Variants in GPHN observed in about 807,000 individuals in gnomAD.
GPHN encodes gephyrin.
GPHN carries 17 observed loss-of-function variants against 95.5 expected under a neutral mutation model. The ratio of observed to expected loss-of-function variants is 0.18; its 90% CI spans 0.12 to 0.27. The LOEUF (loss-of-function observed/expected upper bound fraction) is 0.27. Ranked by LOEUF, GPHN falls within the 10% of genes least tolerant of loss-of-function variation. The pLI, the probability that GPHN is intolerant of heterozygous loss-of-function variation, is 1.00. For synonymous variants in GPHN, 320 were observed against 322.5 expected (o/e 0.99, Z 0.08); for missense variants, 660 against 978.1 (o/e 0.67, Z 4.34).
intron 18 of GPHN, among the ~76,000 whole-genome samples, chr14:67,147,862 A>G (rs2080990627): frequency 1.3e-5 from 2 of 152,212 alleles, no homozygotes; most frequent in South Asian, 4.1e-4. Flanking sequence ...CTTCTCAGAT[A>G]TGGCAGCTCC....
chr14:66,657,414 T>C (rs766881676), intron 1 of GPHN, among the ~76,000 whole-genome samples: 23 of 152,232 alleles, frequency 1.5e-4, no homozygotes, highest in Non-Finnish European at 2.8e-4. Flanking sequence ...TGATGAATCT[T>C]TAGTGGCTAC....
chr14:66,625,197 G>A (rs2063476060), intron 1 of GPHN, among the ~76,000 whole-genome samples: 1 of 151,828 alleles, frequency 6.6e-6, no homozygotes, highest in African/African-American at 2.4e-5. Flanking sequence ...TCTCTCCTTA[G>A]CCTCCCATGT....
chr14:67,008,735 A>G (rs1006630405), intron 9 of GPHN, among the ~76,000 whole-genome samples: 12 of 151,808 alleles, frequency 7.9e-5, no homozygotes, highest in Non-Finnish European at 1.6e-4. Context: ...TAGTAGAGAC[A>G]GGGTTTTTGC....
At chr14:67,243,467 C>T in the GPHN span, among the ~76,000 whole-genome samples, 2 of 147,262 alleles carry the variant, frequency 1.4e-5, no homozygotes, top group Admixed American at 1.4e-4. Flanking sequence ...GGATTACAGG[C>T]GTGAGCCACC....
At chr14:66,550,111 T>A (rs1432158362) in intron 1 of GPHN, among the ~76,000 whole-genome samples, 2 of 152,210 alleles carry the variant, frequency 1.3e-5, no homozygotes, top group African/African-American at 4.8e-5. Context: ...AGCTTTCAAT[T>A]CATATTAAGA....
intron 11 of GPHN, among the ~76,000 whole-genome samples, chr14:67,061,832 G>C (rs987864272): frequency 1.3e-5 from 2 of 151,936 alleles, no homozygotes; most frequent in Non-Finnish European, 2.9e-5. Context: ...TATAGTTTTT[G>C]CTTGGAAAAA....
At chr14:66,656,314 TA>T (rs55982229) in intron 1 of GPHN, among the ~76,000 whole-genome samples, 152,300 of 152,302 alleles carry the variant, frequency 1, 76,149 homozygotes, top group Non-Finnish European at 1. Flanking sequence ...ATTGGGTGAG[TA>T]TTTGGTAGCC....
chr14:67,722,554 G>A, the GPHN span: 19 of 1,092,796 alleles, frequency 1.7e-5, no homozygotes, highest in Non-Finnish European at 2.4e-5. Context: ...AAGCAGCCAA[G>A]AGCTGGAGCC....
chr14:66,576,751 CTA>C (rs1393661239), intron 1 of GPHN, among the ~76,000 whole-genome samples: 2 of 152,074 alleles, frequency 1.3e-5, no homozygotes, highest in Non-Finnish European at 2.9e-5. Flanking sequence ...GTAATCAAGA[CTA>C]TTATGATTAA....
intron 4 of GPHN, among the ~76,000 whole-genome samples, chr14:66,828,403 C>T (rs575876892): frequency 1.3e-5 from 2 of 151,966 alleles, no homozygotes; most frequent in Non-Finnish European, 2.9e-5. Flanking sequence ...ACTGATTTGT[C>T]TGTTTTGATA....
chr14:66,605,585 A>G (rs995514743), intron 1 of GPHN, among the ~76,000 whole-genome samples: 85 of 136,896 alleles, frequency 6.2e-4, no homozygotes, highest in African/African-American at 2.4e-3. Flanking sequence ...ACTGGAGTGC[A>G]GTGGCAGGAT....
chr14:67,101,050 T>C (rs1053834782), intron 13 of GPHN, 139 bp downstream of exon 13: 1 of 686,104 alleles, frequency 1.5e-6, no homozygotes, highest in African/African-American at 1.8e-5. Context: ...GAAAGTATAG[T>C]TCCCAGGAGA....
chr14:66,795,782 A>G (rs2060133591), intron 3 of GPHN, among the ~76,000 whole-genome samples: 1 of 152,228 alleles, frequency 6.6e-6, no homozygotes, highest in Non-Finnish European at 1.5e-5. Context: ...TAATAGTCAC[A>G]TCATGGAAAT....
At chr14:67,327,854 T>TAA in the GPHN span, among the ~76,000 whole-genome samples, 1 of 152,238 alleles carries the variant, frequency 6.6e-6, no homozygotes, top group African/African-American at 2.4e-5. Flanking sequence ...TTCCATGGTG[T>TAA]ATATGTGCCA....
At chr14:67,203,214 C>A in the GPHN span, 2 of 1,613,676 alleles carry the variant, frequency 1.2e-6, no homozygotes, top group Middle Eastern at 1.6e-4. Flanking sequence ...CCATCTGACA[C>A]CTGGTGCCCA....
At chr14:66,843,521 T>G (rs914246411) in intron 4 of GPHN, among the ~76,000 whole-genome samples, 7 of 152,186 alleles carry the variant, frequency 4.6e-5, no homozygotes, top group Non-Finnish European at 8.8e-5. Flanking sequence ...GGCTGCCCCA[T>G]TAATTTATTT....
At chr14:67,653,618 C>A in the GPHN span, 1 of 846,004 alleles carries the variant, frequency 1.2e-6, no homozygotes, top group South Asian at 1.8e-5. Context: ...AGAAATCAAG[C>A]CAATTTAAAT....
At chr14:67,254,207 T>TTGAGTTTC in the GPHN span, 1 of 146,064 alleles carries the variant, frequency 6.8e-6, no homozygotes, top group African/African-American at 2.6e-5. Context: ...TTTTTAGATT[T>TTGAGTTTC]TAAGTTTCTT....
At chr14:67,522,412 C>G in the GPHN span, among the ~76,000 whole-genome samples, 1 of 152,106 alleles carries the variant, frequency 6.6e-6, no homozygotes, top group East Asian at 1.9e-4. Context: ...GAAGCTTAGT[C>G]GTCTGAGGGG....
Sources: allele counts gnomAD v4.1 joint callset (sites outside exome capture counted in the v4.1 genomes callset), GRCh38; gene constraint gnomAD v4.1.1; transcripts MANE v1.5; gene names NCBI Gene and HGNC (gene_info 2026-07-23, HGNC 2026-07-21).